THRAP3: variants seen among roughly 807,000 people sequenced by gnomAD.
THRAP3 encodes thyroid hormone receptor-associated protein 3.
Under a neutral mutation model 101.0 loss-of-function variants are expected in THRAP3, and 16 were observed. The ratio of observed to expected loss-of-function variants is 0.16; its 90% CI spans 0.11 to 0.24. The LOEUF is 0.24. Among genes scored for constraint, THRAP3 ranks in the 10% least tolerant of loss-of-function variants. The pLI, the probability that THRAP3 is intolerant of heterozygous loss-of-function variation, is 1.00. For missense variants in THRAP3, 989 were observed against 1,202.7 expected (o/e 0.82, Z 2.63); for synonymous variants, 407 against 422.6 (o/e 0.96, Z 0.45).
intron 1 of THRAP3, among the ~76,000 whole-genome samples, chr1:36,247,412 C>T (rs1047838166): frequency 6.6e-6 from 1 of 151,980 alleles, no homozygotes; most frequent in African/African-American, 2.4e-5. Flanking sequence ...GCAACCTCGG[C>T]CTCGTAGGTT....
intron 1 of THRAP3, among the ~76,000 whole-genome samples, chr1:36,258,298 G>GT (rs1645401919): frequency 6.6e-6 from 1 of 152,230 alleles, no homozygotes; most frequent in Non-Finnish European, 1.5e-5. Flanking sequence ...TTTGGCTGAT[G>GT]TAACCTAGGC....
intron 2 of THRAP3, among the ~76,000 whole-genome samples, chr1:36,274,076 T>TCACACA (rs763330875): frequency 8.0e-4 from 36 of 44,778 alleles, no homozygotes; most frequent in African/African-American, 1.5e-3. Context: ...TGTGTGTGTG[T>TCACACA]CACACACACA....
chr1:36,213,967 G>GAA, the THRAP3 span, among the ~76,000 whole-genome samples: 45 of 97,984 alleles, frequency 4.6e-4, no homozygotes, highest in Middle Eastern at 5.4e-3. Flanking sequence ...AAGAAGGAAA[G>GAA]AGAAAGAAAG....
chr1:36,250,667 T>A (rs1011025463), intron 1 of THRAP3, among the ~76,000 whole-genome samples: 11 of 151,548 alleles, frequency 7.3e-5, no homozygotes, highest in African/African-American at 2.4e-4. Context: ...ATCCCAGCAC[T>A]TTGGGAGGCT....
In THRAP3 at chr1:36,282,078, A is replaced by G. The variant is rs548655552; in HGVS notation, c.-31-455A>G. 4.9e-4 allele frequency among the ~76,000 whole-genome samples: 4 copies of G among 8,178 alleles called. No homozygotes were observed. The Admixed American group carries it at 0.024, about 49-fold the overall frequency. The allele number at this position is 8,178 out of a possible 152,430, so 5.4% of individuals were successfully genotyped here. ...ACAAAAGCAAAACTCCTATCTCAAG[A>G]AAAAAAAAATTTTTTTTTTAACTTT... is the stretch of plus-strand genomic sequence containing the variant. On this transcript the variant is annotated intron_variant, in intron 2 of 11. Coordinates refer to ENST00000354618, the MANE Select transcript of THRAP3 (RefSeq NM_005119.4).
chr1:36,301,071 C>G lies in THRAP3; in HGVS notation c.2489C>G (p.Ala830Gly). The change falls in exon 10 of 12, where the codon GCT becomes GGT. Residue 830 changes from alanine (A) to glycine (G), a missense_variant. By Grantham distance (60) the Ala-to-Gly change is moderately conservative. Transcript: ENST00000354618. Reference sequence around the variant, plus strand: ...CCAAGTGAAAGAGGAGGTGGCAGAGCTCGAGGAACCTTTGTAAGACCTTCC... The same window carrying G: ...CCAAGTGAAAGAGGAGGTGGCAGAGGTCGAGGAACCTTTGTAAGACCTTCC... Reference protein sequence around the residue: ...VGPSERGGGRARGTFQFRARG... With the variant: ...VGPSERGGGRGRGTFQFRARG... 2.5e-6 allele frequency: 4 copies of G among 1,614,116 alleles called. No individual in the cohort carries two copies. Among genetic ancestry groups the G allele is most frequent in the Non-Finnish European group, 2.5e-6 (3 of 1,179,982 alleles).
At chr1:36,287,293 C>G (rs775194797) in intron 4 of THRAP3, 23 bp downstream of exon 4, 1 of 1,563,770 alleles carries the variant, frequency 6.4e-7, no homozygotes, top group South Asian at 1.2e-5. Context: ...TTTCCCCTGC[C>G]TGGTTGTGTT....
the THRAP3 span, among the ~76,000 whole-genome samples, chr1:36,215,180 C>T: frequency 6.6e-5 from 10 of 151,738 alleles, no homozygotes; most frequent in South Asian, 8.3e-4. Flanking sequence ...GCCGAGACTG[C>T]GCCACTGCAC....
intron 1 of THRAP3, among the ~76,000 whole-genome samples, chr1:36,240,424 TGA>T (rs957122138): frequency 1.3e-5 from 2 of 152,128 alleles, no homozygotes; most frequent in Non-Finnish European, 2.9e-5. Flanking sequence ...TGTCACAGCA[TGA>T]GAGAGAGAGC....
At chr1:36,262,515 A>G (rs1266869762) in intron 2 of THRAP3, among the ~76,000 whole-genome samples, 4 of 152,220 alleles carry the variant, frequency 2.6e-5, no homozygotes, top group African/African-American at 9.6e-5. Context: ...CATTGTCTGT[A>G]AAAGCTGTCA....
At chr1:36,276,448 C>T (rs1424352482) in intron 2 of THRAP3, among the ~76,000 whole-genome samples, 3 of 150,390 alleles carry the variant, frequency 2.0e-5, no homozygotes, top group Admixed American at 6.6e-5. Context: ...GGTGTGAACC[C>T]GGGAGGCGGA....
intron 1 of THRAP3, among the ~76,000 whole-genome samples, chr1:36,258,193 T>A (rs1051052184): frequency 3.9e-5 from 6 of 152,200 alleles, no homozygotes; most frequent in African/African-American, 1.4e-4. Flanking sequence ...CAGTTTGCAG[T>A]CCTGTAGCAG....
chr1:36,267,610 A>C (rs1030321373), intron 2 of THRAP3, among the ~76,000 whole-genome samples: 1 of 152,152 alleles, frequency 6.6e-6, no homozygotes, highest in African/African-American at 2.4e-5. Context: ...CTTTGTGGGG[A>C]GAAGAAAGAG....
At position 36,296,749 on chromosome 1, in the gene THRAP3, A is replaced by G. The variant is rs144921703; in HGVS notation, c.2282A>G (p.His761Arg). 1.5e-4 allele frequency: 246 copies of G among 1,594,776 alleles called. No homozygotes were observed. Among genetic ancestry groups the G allele is most frequent in the Admixed American group, 4.9e-4 (26 of 53,512 alleles). Residue 761 changes from histidine (H) to arginine (R), a missense_variant, in exon 9 of 12, where the codon CAT (histidine) becomes CGT (arginine). Physicochemically the swap from His to Arg is conservative, Grantham distance 29. Transcript: ENST00000354618. ...ERSAEKTEKT[H>R]KGSKKQKKHR... ...TCAGCTGAAAAAACAGAGAAAACTC[A>G]TAAAGGATCAAAGAAACAGAAGTAC...
intron 1 of THRAP3, among the ~76,000 whole-genome samples, chr1:36,231,705 CTG>C (rs1241922755): frequency 2.0e-5 from 3 of 152,072 alleles, no homozygotes; most frequent in Non-Finnish European, 1.5e-5. Flanking sequence ...AGAGGTGAGA[CTG>C]TATTGTAAAG....
At chr1:36,288,468 C>G (rs1219459250) in intron 4 of THRAP3, 1 of 985,264 alleles carries the variant, frequency 1.0e-6, no homozygotes, top group Non-Finnish European at 1.2e-6. Flanking sequence ...TCTGCTTTTC[C>G]ATAAGAAAGA....
intron 1 of THRAP3, among the ~76,000 whole-genome samples, chr1:36,235,387 C>G (rs1229849331): frequency 1.3e-5 from 2 of 152,080 alleles, no homozygotes; most frequent in African/African-American, 4.8e-5. Context: ...TCAGAACCCT[C>G]AACCCCACAG....
chr1:36,304,154 C>T lies in THRAP3; in HGVS notation c.*137C>T. ...CCCACCAGCCGCACAGATTGTACTA[C>T]CGCGAGAGGCATCCCTGGCGCTGTC... On this transcript the variant is annotated 3_prime_UTR_variant, in exon 12 of 12. Transcript: ENST00000354618. 7.7e-7 allele frequency: 1 copy of T among 1,304,558 alleles called. No individual in the cohort carries two copies. Among genetic ancestry groups the T allele is most frequent in the Non-Finnish European group, 1.0e-6 (1 of 982,512 alleles). The allele number at this position is 1,304,558 out of a possible 1,614,324, so 80.8% of individuals were successfully genotyped here. A position where few individuals can be genotyped will look rare whatever the true frequency, so the allele number is the denominator to read the frequency against.
In THRAP3 at chr1:36,296,594, A is replaced by G; in HGVS notation, c.2127A>G (p.Lys709=). The change falls in exon 9 of 12, where the codon AAA becomes AAG. Residue 709 remains lysine, a synonymous_variant. Coordinates refer to ENST00000354618, the MANE Select transcript of THRAP3 (RefSeq NM_005119.4). The part of the protein sequence containing the change: ...PREPGYKAEG[K]YKDDPVDLRL... The stretch of plus-strand genomic sequence containing the variant: ...TTATCTTTTGATAGGCTGAGGGAAA[A>G]TACAAAGATGATCCTGTTGATCTCC... 1 of 1,561,642 alleles carries G rather than the reference A, an allele frequency of 6.4e-7. No individual in the cohort carries two copies.
Sources: allele counts gnomAD v4.1 joint callset (sites outside exome capture counted in the v4.1 genomes callset), GRCh38; gene constraint gnomAD v4.1.1; transcripts MANE v1.5; gene names NCBI Gene and HGNC (gene_info 2026-07-23, HGNC 2026-07-21).